Variants in SLC24A4 observed in about 807,000 individuals in gnomAD.
SLC24A4 encodes sodium/potassium/calcium exchanger 4.
A neutral mutation model predicts 79.0 loss-of-function variants in SLC24A4; 53 were observed. The observed-to-expected ratio is 0.67, with a 90% CI of 0.54 to 0.84. SLC24A4 has a LOEUF of 0.84. Ranked by LOEUF, SLC24A4 falls within the 40% of genes least tolerant of loss-of-function variation. The pLI is 0.00. For synonymous variants in SLC24A4, 323 were observed against 323.8 expected, an observed-to-expected ratio of 1.00 and a Z score of 0.03; for missense variants, 731 against 822.0, an observed-to-expected ratio of 0.89 and a Z score of 1.35.
At chr14:92,388,541 G>A (rs183408079) in intron 2 of SLC24A4, among the ~76,000 whole-genome samples, 46 of 152,296 alleles carry the variant, frequency 3.0e-4, no homozygotes, top group Non-Finnish European at 5.3e-4. Context: ...AGCTGCCCAC[G>A]GCCTGGTTCG....
At chr14:92,467,130 A>T (rs1207629232) in intron 12 of SLC24A4, among the ~76,000 whole-genome samples, 1 of 152,198 alleles carries the variant, frequency 6.6e-6, no homozygotes, top group Non-Finnish European at 1.5e-5. Flanking sequence ...TGGCTCTGCC[A>T]CTAATCTTAT....
intron 2 of SLC24A4, among the ~76,000 whole-genome samples, chr14:92,394,353 TG>T (rs1295686378): frequency 9.9e-5 from 15 of 152,022 alleles, no homozygotes; most frequent in Admixed American, 6.5e-5. Context: ...CCTAGTGCTT[TG>T]GGAGGCTGAG....
chr14:92,416,651 G>T (rs773363413), intron 2 of SLC24A4, among the ~76,000 whole-genome samples: 4 of 152,238 alleles, frequency 2.6e-5, no homozygotes, highest in Admixed American at 6.5e-5. Context: ...CTGTGATCCT[G>T]ATGAAGCTCT....
At position 92,323,732 on chromosome 14, in the gene SLC24A4, C is replaced by G; in HGVS notation, c.-99C>G. Reference sequence around the variant, plus strand: ...CGGAGCTCCTCGCCTCTGAGTCGCGCACCGCCTGCTCCAGCCCCAGCGCCG... The same window carrying G: ...CGGAGCTCCTCGCCTCTGAGTCGCGGACCGCCTGCTCCAGCCCCAGCGCCG... On this transcript the variant is annotated 5_prime_UTR_variant, in exon 1 of 17. Transcript: ENST00000532405. The surrounding 1 kb of genome is among the most constrained non-coding windows in gnomAD (Gnocchi z 4.9). 7.0e-7 allele frequency: 1 copy of G among 1,426,662 alleles called. No homozygotes were observed. Among genetic ancestry groups the G allele is most frequent in the Non-Finnish European group, 9.3e-7 (1 of 1,078,652 alleles). 88.4% of individuals were successfully genotyped at this position (1,426,662 alleles called of 1,614,324 possible).
At chr14:92,332,053 C>G (rs956517778) in intron 2 of SLC24A4, among the ~76,000 whole-genome samples, 3 of 151,904 alleles carry the variant, frequency 2.0e-5, no homozygotes, top group Non-Finnish European at 4.4e-5. Context: ...CTGAGGCAGG[C>G]AGATCACTTG....
intron 4 of SLC24A4, 43 bp downstream of exon 4, chr14:92,439,452 A>G: frequency 1.3e-6 from 2 of 1,563,232 alleles, no homozygotes; most frequent in Non-Finnish European, 1.8e-6. Flanking sequence ...AGCCTTGAAG[A>G]CATGTGGGAC....
intron 12 of SLC24A4, among the ~76,000 whole-genome samples, chr14:92,463,340 T>C (rs1893924496): frequency 6.6e-6 from 1 of 152,148 alleles, no homozygotes; most frequent in South Asian, 2.1e-4. Flanking sequence ...CCTTTCCTCT[T>C]AGCGTCTCGG....
rs185301261 is a variant in SLC24A4, at chr14:92,398,501, C to T, written c.242-35411C>T. 1.2e-3 allele frequency among the ~76,000 whole-genome samples: 183 copies of T among 152,190 alleles called. No individual in the cohort carries two copies. The highest frequency in any genetic ancestry group is 1.9e-3 in the Non-Finnish European group (128 of 67,996). On this transcript the variant is annotated intron_variant, in intron 2 of 16. Transcript: ENST00000532405. The surrounding 1 kb of genome is among the most constrained non-coding windows in gnomAD (Gnocchi z 4.1). ...GAGTACAGAACAGGGCAGCCTCCAA[C>T]GTCTGATGTTATTGACATCTCCTTC...
At chr14:92,444,350 G>A (rs1032103605) in intron 7 of SLC24A4, among the ~76,000 whole-genome samples, 2 of 152,178 alleles carry the variant, frequency 1.3e-5, no homozygotes, top group South Asian at 4.1e-4. Flanking sequence ...AGACCGTCTA[G>A]TACAAATGCA....
At chr14:92,360,041 C>T (rs753533630) in intron 2 of SLC24A4, among the ~76,000 whole-genome samples, 1 of 152,188 alleles carries the variant, frequency 6.6e-6, no homozygotes, top group Non-Finnish European at 1.5e-5. Flanking sequence ...GCCTCAGCCT[C>T]CCAAGTAGCT....
intron 2 of SLC24A4, among the ~76,000 whole-genome samples, chr14:92,405,751 C>G (rs954713960): frequency 1.3e-5 from 2 of 152,124 alleles, no homozygotes; most frequent in African/African-American, 4.8e-5. Flanking sequence ...AGGGGGAAAT[C>G]TGCCTCCATG....
At chr14:92,470,809 G>A (rs1052157898) in intron 12 of SLC24A4, among the ~76,000 whole-genome samples, 27 of 152,270 alleles carry the variant, frequency 1.8e-4, no homozygotes, top group African/African-American at 6.3e-4. Flanking sequence ...AATTAGTCCA[G>A]ACTCCTAATG....
At chr14:92,424,271 A>G (rs1234184711) in intron 2 of SLC24A4, among the ~76,000 whole-genome samples, 1 of 152,142 alleles carries the variant, frequency 6.6e-6, no homozygotes, top group Non-Finnish European at 1.5e-5. Context: ...GCCTTTAGAG[A>G]GGTAATAAGG....
At chr14:92,481,755 G>T (rs1343515234) in intron 12 of SLC24A4, among the ~76,000 whole-genome samples, 1 of 152,154 alleles carries the variant, frequency 6.6e-6, no homozygotes, top group East Asian at 1.9e-4. Flanking sequence ...TAATTCTGGA[G>T]CTCTGAAAAC....
chr14:92,476,287 G>A (rs368866361), intron 12 of SLC24A4, among the ~76,000 whole-genome samples: 93 of 152,296 alleles, frequency 6.1e-4, no homozygotes, highest in East Asian at 4.4e-3. Flanking sequence ...AGAGAAGAAC[G>A]TGGAATTTTG....
Position 92,439,387 on chromosome 14 carries a change from C to T in SLC24A4, c.371C>T (p.Pro124Leu), listed in dbSNP as rs754448911. The T allele has an allele frequency of 2.9e-5, 46 of 1,612,712 alleles. No individual in the cohort carries two copies. The highest frequency in any genetic ancestry group is 1.3e-4 in the Admixed American group (8 of 59,966). The part of the protein sequence containing the change: ...LAIVCDDFFV[P>L]SLEKICERLH... ...ATAGTGTGCGATGACTTCTTTGTTC[C>T]GTCTCTAGAGAAGATCTGTGAGGTA... Residue 124 changes from proline to leucine, a missense_variant, in exon 4 of 17, where the codon CCG (proline) becomes CTG (leucine). Coordinates refer to ENST00000532405, the MANE Select transcript of SLC24A4 (RefSeq NM_153646.4).
chr14:92,408,952 T>G (rs965353885), intron 2 of SLC24A4, among the ~76,000 whole-genome samples: 1 of 152,212 alleles, frequency 6.6e-6, no homozygotes, highest in African/African-American at 2.4e-5. Flanking sequence ...GCTGGAGTTT[T>G]CTGAAAGAGA....
chr14:92,359,987 T>C (rs554176345), intron 2 of SLC24A4, among the ~76,000 whole-genome samples: 2 of 152,316 alleles, frequency 1.3e-5, no homozygotes, highest in East Asian at 1.9e-4. Flanking sequence ...GGTGCGATCT[T>C]GGCTCACTGC....
chr14:92,474,843 G>GTGTGTGTGTGTT (rs779007741), intron 12 of SLC24A4, among the ~76,000 whole-genome samples: 1 of 23,884 alleles, frequency 4.2e-5, no homozygotes. Context: ...GTGTGTGTGT[G>GTGTGTGTGTGTT]TATATATATA....
Sources: allele counts gnomAD v4.1 joint callset (sites outside exome capture counted in the v4.1 genomes callset), GRCh38; gene constraint gnomAD v4.1.1; non-coding constraint Gnocchi (gnomAD v3.1); transcripts MANE v1.5; gene names NCBI Gene and HGNC (gene_info 2026-07-23, HGNC 2026-07-21).